The following POGZ variants were observed in gnomAD, a reference collection of about 807,000 sequenced individuals.
POGZ encodes pogo transposable element with ZNF domain.
A neutral mutation model predicts 134.6 loss-of-function variants in POGZ; 17 were observed. The observed-to-expected ratio is 0.13, with a 90% CI of 0.09 to 0.19. The LOEUF (loss-of-function observed/expected upper bound fraction) is 0.19. POGZ is among the 10% of genes least tolerant of loss of function. The pLI is 1.00. For synonymous variants in POGZ, 693 were observed against 657.1 expected (o/e 1.05, Z -0.84); for missense variants, 1,306 against 1,769.7 (o/e 0.74, Z 4.70).
chr1:151,408,162 T>C lies in POGZ; in HGVS notation c.2313A>G (p.Val771=), dbSNP rs780596269. Residue 771 remains valine (V), a synonymous_variant, in exon 15 of 19, where the codon GTA becomes GTG. Coordinates refer to ENST00000271715, the MANE Select transcript of POGZ (RefSeq NM_015100.4). ...TGCTATAGCGACACAGAGAGCAGTGTACGTAAGTAGGGAAATGATTAGGGA... is the reference window on the plus strand; with the variant it reads ...TGCTATAGCGACACAGAGAGCAGTGCACGTAAGTAGGGAAATGATTAGGGA... The part of the protein sequence containing the change: ...PDFPNHFPTY[V]HCSLCRYSTC... 1.2e-6 allele frequency: 2 copies of C among 1,613,196 alleles called. No individual in the cohort carries two copies. The highest frequency in any genetic ancestry group is 1.7e-6 in the Non-Finnish European group (2 of 1,179,612).
intron 10 of POGZ, among the ~76,000 whole-genome samples, chr1:151,414,353 T>C (rs145665130): frequency 3.0e-4 from 46 of 152,378 alleles, no homozygotes; most frequent in African/African-American, 1.0e-3. Flanking sequence ...TTTCTTAGTC[T>C]ATGTTTTCCC....
At chr1:151,452,750 G>A (rs533317713) in intron 1 of POGZ, among the ~76,000 whole-genome samples, 1 of 151,840 alleles carries the variant, frequency 6.6e-6, no homozygotes, top group South Asian at 2.1e-4. Flanking sequence ...TGCAGTCCCA[G>A]CTACTCGGAA....
intron 2 of POGZ, among the ~76,000 whole-genome samples, chr1:151,441,768 G>GAC (rs1660570048): frequency 6.6e-6 from 1 of 152,090 alleles, no homozygotes; most frequent in Non-Finnish European, 1.5e-5. Flanking sequence ...AATGAGCACT[G>GAC]ACACACACAC....
rs1011212289 is a variant in POGZ at position 151,403,915 on chromosome 1, CTGTT to C, written c.*883_*886del. The C allele has an allele frequency of 1.0e-6, 1 of 985,450 alleles. No individual in the cohort carries two copies. Among genetic ancestry groups the C allele is most frequent in the African/African-American group, 1.7e-5 (1 of 57,382 alleles). 61.0% of individuals were successfully genotyped at this position (985,450 alleles called of 1,614,324 possible). A position where few individuals can be genotyped will look rare whatever the true frequency, so the allele number is the denominator to read the frequency against. ...ACTGGGAATGGCTTCCACCCTAAAA[CTGTT>C]TGATCGCTTCAGTATCTCTTGCTTG... is the stretch of plus-strand genomic sequence containing the variant. On this transcript the variant is annotated 3_prime_UTR_variant, in exon 19 of 19. Coordinates refer to ENST00000271715, the MANE Select transcript of POGZ (RefSeq NM_015100.4).
chr1:151,417,308 C>T (rs1379535274), intron 10 of POGZ, among the ~76,000 whole-genome samples: 2 of 151,550 alleles, frequency 1.3e-5, no homozygotes, highest in Non-Finnish European at 2.9e-5. Flanking sequence ...GTGATCCACC[C>T]GCCTCGGCCT....
chr1:151,438,250 A>T (rs1480934079), intron 3 of POGZ, among the ~76,000 whole-genome samples: 1 of 152,146 alleles, frequency 6.6e-6, no homozygotes, highest in African/African-American at 2.4e-5. Flanking sequence ...TATCTGATGA[A>T]AAAAGTTACA....
chr1:151,407,312 G>A, intron 15 of POGZ, 21 bp from the exon 16 acceptor site: 1 of 1,582,384 alleles, frequency 6.3e-7, no homozygotes, highest in Non-Finnish European at 8.6e-7. Flanking sequence ...CAAAGAAGTG[G>A]TATGAGTTAC....
At chr1:151,445,847 A>G (rs933021782) in intron 1 of POGZ, among the ~76,000 whole-genome samples, 4 of 152,188 alleles carry the variant, frequency 2.6e-5, no homozygotes, top group East Asian at 1.9e-4. Context: ...CAACAGAGAT[A>G]TATCAACCTA....
chr1:151,416,140 G>A (rs538744350), intron 10 of POGZ, among the ~76,000 whole-genome samples: 19 of 140,260 alleles, frequency 1.4e-4, no homozygotes, highest in Non-Finnish European at 2.5e-4. Context: ...CCTGTGACGC[G>A]GAGGTTGCAG....
In POGZ at chr1:151,405,831, G is replaced by A. The variant is rs780781133; in HGVS notation, c.3204C>T (p.Ser1068=). Residue 1068 remains serine, a synonymous_variant, in exon 19 of 19, where the codon TCC becomes TCT. Coordinates refer to ENST00000271715, the MANE Select transcript of POGZ (RefSeq NM_015100.4). The surrounding 1 kb of genome is among the most constrained non-coding windows in gnomAD (Gnocchi z 4.9). ...GCATGAAACGCACAGCCCACTCATA[G>A]GAGATCTTAAACCCCCCTTCCAAAG... is the stretch of plus-strand genomic sequence containing the variant. ...GRSLEGGFKI[S]YEWAVRFMLR... The A allele has an allele frequency of 3.1e-6, 5 of 1,614,134 alleles. No homozygotes were observed. The highest frequency in any genetic ancestry group is 1.7e-5 in the Admixed American group (1 of 60,020).
rs1045948430 is a variant in POGZ at position 151,458,810 on chromosome 1, T to TGC, written c.-2+340_-2+341dup. On this transcript the variant is annotated intron_variant, in intron 1 of 18. Transcript: ENST00000271715. ...TGTGTGCGGGGCCGTGGGGCGCGAG[T>TGC]GCGCGCGCGCGCGCCGCGGCGGGCG... 3.0e-4 allele frequency among the ~76,000 whole-genome samples: 43 copies of TGC among 142,430 alleles called. 1 individual carries two copies. Among genetic ancestry groups the TGC allele is most frequent in the South Asian group, 1.6e-3 (7 of 4,460 alleles). The allele number at this position is 142,430 out of a possible 152,430, so 93.4% of individuals were successfully genotyped here. A position where few individuals can be genotyped will look rare whatever the true frequency, so the allele number is the denominator to read the frequency against.
At position 151,414,219 on chromosome 1, in the gene POGZ, CAT is replaced by C. The variant is rs569215995; in HGVS notation, c.1679-1825_1679-1824del. On this transcript the variant is annotated intron_variant, in intron 10 of 18. Coordinates refer to ENST00000271715, the MANE Select transcript of POGZ (RefSeq NM_015100.4). The stretch of plus-strand genomic sequence containing the variant: ...GGCAAGTAGGTATGAAAGTTAACCA[CAT>C]GTTTGGGAAACAGTTAACTAGCAAC... Among the ~76,000 whole-genome samples, 105 of 152,334 alleles carry C rather than the reference CAT, an allele frequency of 6.9e-4. 1 individual carries two copies. Among genetic ancestry groups the C allele is most frequent in the Middle Eastern group, 6.8e-3 (2 of 294 alleles).
Position 151,403,863 on chromosome 1 carries a change from CT to C in POGZ, c.*938del. ...AAGTTCAGTAAAGCAGGGACTGCCCCTGGGGGCTTACAGGATGAAGACTCAA... is the reference window on the plus strand; with the variant it reads ...AAGTTCAGTAAAGCAGGGACTGCCCCGGGGGCTTACAGGATGAAGACTCAA... On this transcript the variant is annotated 3_prime_UTR_variant, in exon 19 of 19. Coordinates refer to ENST00000271715, the MANE Select transcript of POGZ (RefSeq NM_015100.4). 1.0e-6 allele frequency: 1 copy of C among 985,486 alleles called. No homozygotes were observed. Among genetic ancestry groups the C allele is most frequent in the Non-Finnish European group, 1.2e-6 (1 of 829,956 alleles). 61.0% of individuals were successfully genotyped at this position (985,486 alleles called of 1,614,324 possible).
intron 10 of POGZ, among the ~76,000 whole-genome samples, chr1:151,418,666 T>C (rs1656227245): frequency 6.6e-6 from 1 of 152,202 alleles, no homozygotes; most frequent in African/African-American, 2.4e-5. Context: ...TATAAATGTA[T>C]ATTAGATTAT....
intron 5 of POGZ, 78 bp downstream of exon 5, chr1:151,429,525 G>T: frequency 1.5e-6 from 1 of 673,588 alleles, no homozygotes; most frequent in South Asian, 2.0e-5. Context: ...CTTACTAAAT[G>T]ACTTAGGATA....
chr1:151,435,209 T>C (rs1018477948), intron 3 of POGZ, among the ~76,000 whole-genome samples: 1 of 152,172 alleles, frequency 6.6e-6, no homozygotes, highest in Non-Finnish European at 1.5e-5. Flanking sequence ...CCTTCCTTCA[T>C]TCTTTTAAGT....
chr1:151,406,696 C>T, intron 17 of POGZ, 65 bp from the exon 18 acceptor site: 1 of 1,370,324 alleles, frequency 7.3e-7, no homozygotes, highest in African/African-American at 1.4e-5. Context: ...AAAGACAGTG[C>T]CCTGGGATTC....
At chr1:151,432,732 C>T (rs71515781) in intron 3 of POGZ, among the ~76,000 whole-genome samples, 13,956 of 152,146 alleles carry the variant, frequency 0.092, 746 homozygotes, top group Middle Eastern at 0.15. Flanking sequence ...TAGATCATAT[C>T]ATCTATAAGT....
Position 151,432,170 on chromosome 1 carries a change from AAAC to A in POGZ, c.284-1332_284-1330del, listed in dbSNP as rs1352306663. The stretch of plus-strand genomic sequence containing the variant: ...GGCGACAGAGCAAGGCTCTGTCTCA[AAAC>A]AACAACAACAGCAACAACAACAAGA... On this transcript the variant is annotated intron_variant, in intron 3 of 18. Coordinates refer to ENST00000271715, the MANE Select transcript of POGZ (RefSeq NM_015100.4). Among the ~76,000 whole-genome samples, 7 of 152,292 alleles carry A rather than the reference AAAC, an allele frequency of 4.6e-5. 1 individual carries two copies. The highest frequency in any genetic ancestry group is 2.1e-4 in the South Asian group (1 of 4,822).
Sources: gnomAD v4.1 joint callset for allele counts (sites outside exome capture counted in the v4.1 genomes callset) on GRCh38, gnomAD v4.1.1 for gene constraint, Gnocchi (gnomAD v3.1) non-coding constraint, MANE v1.5 for transcripts, NCBI Gene and HGNC (gene_info 2026-07-23, HGNC 2026-07-21) for gene names.